Variants in CDYL2 observed in about 807,000 individuals in gnomAD.
CDYL2 encodes the protein chromodomain Y like 2.
Under a neutral mutation model 49.4 loss-of-function variants are expected in CDYL2, and 23 were observed. That is an observed-to-expected ratio of 0.47 (90% confidence interval 0.34 to 0.66). The LOEUF (loss-of-function observed/expected upper bound fraction) is 0.66. Ranked by LOEUF, CDYL2 falls within the 30% of genes least tolerant of loss-of-function variation. The probability of loss-of-function intolerance (pLI) is 0.01; values close to 1 mark genes in which losing one functional copy is unlikely to be tolerated. For missense variants in CDYL2, 678 were observed against 656.4 expected, an observed-to-expected ratio of 1.03 and a Z score of -0.36; for synonymous variants, 360 against 268.8, an observed-to-expected ratio of 1.34 and a Z score of -3.32.
intron 1 of CDYL2, among the ~76,000 whole-genome samples, chr16:80,749,730 T>C (rs968351219): frequency 6.6e-6 from 1 of 151,902 alleles, no homozygotes; most frequent in African/African-American, 2.4e-5. Context: ...GAAAATTTTT[T>C]TAAAAAAATT....
rs543352020 is a variant in CDYL2 at position 80,686,096 on chromosome 16, C to G, written c.25-967G>C. Among the ~76,000 whole-genome samples, 7 of 152,344 alleles carry G rather than the reference C, an allele frequency of 4.6e-5. No homozygotes were observed. The East Asian group carries it at 1.3e-3, about 29-fold the overall frequency. On this transcript the variant is annotated intron_variant, in intron 1 of 6. Coordinates refer to ENST00000570137, the MANE Select transcript of CDYL2 (RefSeq NM_152342.4). ...TATAAGGCAACTCGCCTACCATGCACAGCTCGCAGGCGATACTGGTGGGAT... is the reference window on the plus strand; with the variant it reads ...TATAAGGCAACTCGCCTACCATGCAGAGCTCGCAGGCGATACTGGTGGGAT...
At chr16:80,733,240 G>A (rs1200370761) in intron 1 of CDYL2, among the ~76,000 whole-genome samples, 1 of 152,192 alleles carries the variant, frequency 6.6e-6, no homozygotes. Context: ...AAATATTACT[G>A]CAGAATCTCC....
chr16:80,636,494 A>T (rs1262001445), intron 2 of CDYL2, among the ~76,000 whole-genome samples: 1 of 152,220 alleles, frequency 6.6e-6, no homozygotes, highest in Admixed American at 6.5e-5. Context: ...GCAAATCAAA[A>T]TCACAATGAG....
At chr16:80,797,014 C>G (rs1907786816) in intron 1 of CDYL2, among the ~76,000 whole-genome samples, 1 of 152,010 alleles carries the variant, frequency 6.6e-6, no homozygotes, top group Non-Finnish European at 1.5e-5. Flanking sequence ...TTTTTTCTAC[C>G]TCTCTTGCTA....
intron 1 of CDYL2, among the ~76,000 whole-genome samples, chr16:80,695,060 T>C (rs1195951650): frequency 6.6e-6 from 1 of 152,258 alleles, no homozygotes; most frequent in Non-Finnish European, 1.5e-5. Context: ...AGAGTCCATC[T>C]GATATAAACA....
chr16:80,803,510 G>T (rs964448339), intron 1 of CDYL2, among the ~76,000 whole-genome samples: 1 of 152,006 alleles, frequency 6.6e-6, no homozygotes, highest in African/African-American at 2.4e-5. Flanking sequence ...GTCCGAGCTG[G>T]TGCGGGGGCA....
chr16:80,616,525 C>T (rs1462347917), intron 4 of CDYL2, among the ~76,000 whole-genome samples: 1 of 152,136 alleles, frequency 6.6e-6, no homozygotes, highest in African/African-American at 2.4e-5. Context: ...GACCCAGTTA[C>T]CCAACTCCCT....
chr16:80,648,798 T>C (rs1908462384), intron 2 of CDYL2, among the ~76,000 whole-genome samples: 1 of 151,994 alleles, frequency 6.6e-6, no homozygotes, highest in Admixed American at 6.6e-5. Context: ...AAAAAAATCA[T>C]GACCAAGTGG....
At chr16:80,664,235 G>C (rs1439819580) in intron 2 of CDYL2, among the ~76,000 whole-genome samples, 1 of 152,162 alleles carries the variant, frequency 6.6e-6, no homozygotes, top group Non-Finnish European at 1.5e-5. Context: ...AGGACTGTCT[G>C]AGGTTCTCCG....
chr16:80,793,137 C>T (rs887926220), intron 1 of CDYL2, among the ~76,000 whole-genome samples: 1 of 152,186 alleles, frequency 6.6e-6, no homozygotes, highest in African/African-American at 2.4e-5. Flanking sequence ...CCAAGCAACC[C>T]AATCTAAAAC....
rs369284333 is a variant in CDYL2 at position 80,622,335 on chromosome 16, C to A, written c.835-1400G>T. 8.5e-5 allele frequency among the ~76,000 whole-genome samples: 13 copies of A among 152,344 alleles called. 1 individual carries two copies. Among genetic ancestry groups the A allele is most frequent in the African/African-American group, 3.1e-4 (13 of 41,574 alleles). The stretch of plus-strand genomic sequence containing the variant: ...CCTAATCACCTTTGCACATGCCAAT[C>A]TCCCCACCCCTTGTGGGGTTGCCCA... On this transcript the variant is annotated intron_variant, in intron 3 of 6. Transcript: ENST00000570137.
intron 2 of CDYL2, among the ~76,000 whole-genome samples, chr16:80,663,260 G>A (rs1013265468): frequency 5.9e-5 from 9 of 151,290 alleles, no homozygotes; most frequent in Admixed American, 2.0e-4. Context: ...GAGCACTTCC[G>A]GTCATCAATC....
intron 1 of CDYL2, chr16:80,742,150 C>T (rs930138287): frequency 1.3e-5 from 2 of 152,208 alleles, no homozygotes; most frequent in African/African-American, 2.4e-5. Context: ...TCACACAATA[C>T]GAGGTGGGGT....
Position 80,620,724 on chromosome 16 carries a change from C to T in CDYL2, c.1007+39G>A, listed in dbSNP as rs188917316. ...CCTGTATTTTTACTTGGTAATCCTA[C>T]GCAGGACCCCAGGGTGTGTGAAAAG... is the stretch of plus-strand genomic sequence containing the variant. On this transcript the variant is annotated intron_variant, in intron 4 of 6. Transcript: ENST00000570137. 1.4e-3 allele frequency: 2,103 copies of T among 1,512,148 alleles called. 13 individuals carry two copies. The highest frequency in any genetic ancestry group is 7.1e-4 in the South Asian group (54 of 76,180). 93.7% of individuals were successfully genotyped at this position (1,512,148 alleles called of 1,614,324 possible).
rs112944551 is a variant in CDYL2 at position 80,659,501 on chromosome 16, A to T, written c.616+25037T>A. On this transcript the variant is annotated intron_variant, in intron 2 of 6. Transcript: ENST00000570137. ...ACTTAAAAGAATATCCTTTTATAAAATATCCACACTAGATATTAAGGGGTA... is the reference window on the plus strand; with the variant it reads ...ACTTAAAAGAATATCCTTTTATAAATTATCCACACTAGATATTAAGGGGTA... Among the ~76,000 whole-genome samples the T allele has an allele frequency of 1.2e-4, 18 of 152,320 alleles. 3 individuals are homozygous for T. Among genetic ancestry groups the T allele is most frequent in the African/African-American group, 3.8e-4 (16 of 41,586 alleles).
At chr16:80,784,217 TTTG>T (rs1192817485) in intron 1 of CDYL2, among the ~76,000 whole-genome samples, 2 of 152,190 alleles carry the variant, frequency 1.3e-5, no homozygotes, top group Non-Finnish European at 2.9e-5. Context: ...TTCCTTTCAT[TTTG>T]TTGTTCTCTT....
At chr16:80,629,008 G>A (rs1470704736) in intron 3 of CDYL2, among the ~76,000 whole-genome samples, 1 of 152,126 alleles carries the variant, frequency 6.6e-6, no homozygotes, top group African/African-American at 2.4e-5. Context: ...CACATATAAA[G>A]GCCCCGGGGC....
At chr16:80,786,356 T>C (rs1907435478) in intron 1 of CDYL2, among the ~76,000 whole-genome samples, 1 of 152,160 alleles carries the variant, frequency 6.6e-6, no homozygotes, top group African/African-American at 2.4e-5. Context: ...AACAGACATA[T>C]GAAAAAATGC....
intron 2 of CDYL2, among the ~76,000 whole-genome samples, chr16:80,681,475 G>A (rs1238057257): frequency 6.6e-6 from 1 of 152,188 alleles, no homozygotes; most frequent in Non-Finnish European, 1.5e-5. Context: ...CCTCTGGCCT[G>A]TTGCTGAAAA....
Sources: allele counts gnomAD v4.1 joint callset (sites outside exome capture counted in the v4.1 genomes callset), GRCh38; gene constraint gnomAD v4.1.1; transcripts MANE v1.5; gene names NCBI Gene and HGNC (gene_info 2026-07-23, HGNC 2026-07-21).